The following CNTNAP4 variants were observed in gnomAD, a reference collection of about 807,000 sequenced individuals.
CNTNAP4 encodes the protein contactin associated protein family member 4, also known as contactin-associated protein-like 4.
Under a neutral mutation model 148.4 loss-of-function variants are expected in CNTNAP4, and 98 were observed. That is an observed-to-expected ratio of 0.66 (90% CI 0.56 to 0.78). The LOEUF (loss-of-function observed/expected upper bound fraction) is 0.78. CNTNAP4 is among the 30% of genes least tolerant of loss of function. CNTNAP4 has a pLI of 0.00. For missense variants in CNTNAP4, 1,935 were observed against 1,565.6 expected (o/e 1.24, Z -3.98); for synonymous variants, 730 against 565.1 (o/e 1.29, Z -4.14).
At chr16:76,434,465 C>G (rs965616733) in intron 4 of CNTNAP4, among the ~76,000 whole-genome samples, 2 of 152,158 alleles carry the variant, frequency 1.3e-5, no homozygotes, top group Admixed American at 6.5e-5. Context: ...GAAACCACAT[C>G]TAGTACAACA....
At chr16:76,523,775 TA>T (rs938934579) in intron 17 of CNTNAP4, among the ~76,000 whole-genome samples, 1 of 151,872 alleles carries the variant, frequency 6.6e-6, no homozygotes, top group African/African-American at 2.4e-5. Context: ...AGTAAAAAAT[TA>T]AAAAAATTAG....
chr16:76,448,153 C>G lies in CNTNAP4; in HGVS notation c.680C>G (p.Pro227Arg), dbSNP rs953524982. Residue 227 changes from proline (P) to arginine (R), a missense_variant, in exon 5 of 24, where the codon CCA becomes CGA. Physicochemically the swap from Pro to Arg is moderately radical, Grantham distance 103. Coordinates refer to ENST00000611870, the MANE Select transcript of CNTNAP4 (RefSeq NM_033401.5). ...GGGATTCTACTCCACAGGGAAGGGC[C>G]AAATGGAGATCACATCACACTGCAA... ...SDGILLHREG[P>R]NGDHITLQLR... 4 of 1,613,454 alleles carry G rather than the reference C, an allele frequency of 2.5e-6. No homozygotes were observed. The African/African-American group carries it at 4.0e-5, about 16-fold the overall frequency.
rs147672998 is a variant in CNTNAP4 at position 76,482,637 on chromosome 16, C to T, written c.1882+3099C>T. ...ATCTTCAAAGGTTTTTCATTTAACA[C>T]AACTTGGTAGCTTCTATCTGTCTCA... On this transcript the variant is annotated intron_variant, in intron 12 of 23. Transcript: ENST00000611870. Among the ~76,000 whole-genome samples, 451 of 152,246 alleles carry T rather than the reference C, an allele frequency of 3.0e-3. 2 individuals carry two copies. The highest frequency in any genetic ancestry group is 4.0e-3 in the Non-Finnish European group (272 of 68,018).
chr16:76,330,120 T>G (rs1963375792), intron 2 of CNTNAP4, among the ~76,000 whole-genome samples: 1 of 152,206 alleles, frequency 6.6e-6, no homozygotes, highest in South Asian at 2.1e-4. Context: ...CTTTATCAAC[T>G]TAAGTTAAAT....
chr16:76,501,188 T>A (rs2082626629), intron 15 of CNTNAP4, among the ~76,000 whole-genome samples: 1 of 152,244 alleles, frequency 6.6e-6, no homozygotes, highest in African/African-American at 2.4e-5. Context: ...ATGAAGATGA[T>A]ATAGGATATT....
intron 4 of CNTNAP4, among the ~76,000 whole-genome samples, chr16:76,447,540 C>T (rs2080294744): frequency 6.6e-6 from 1 of 152,094 alleles, no homozygotes. Context: ...ACAGACAGTC[C>T]CTGACTTACA....
intron 15 of CNTNAP4, among the ~76,000 whole-genome samples, chr16:76,515,953 C>A (rs1407344144): frequency 6.6e-6 from 1 of 152,126 alleles, no homozygotes; most frequent in African/African-American, 2.4e-5. Context: ...ACTTTAAGTT[C>A]TGGGATACAT....
intron 10 of CNTNAP4, among the ~76,000 whole-genome samples, chr16:76,470,490 T>TAG (rs1185621470): frequency 8.5e-6 from 1 of 117,494 alleles, no homozygotes; most frequent in Non-Finnish European, 1.8e-5. Flanking sequence ...ATAATATATA[T>TAG]ATATATAAAA....
intron 4 of CNTNAP4, among the ~76,000 whole-genome samples, chr16:76,434,465 C>T (rs965616733): frequency 1.3e-5 from 2 of 152,158 alleles, no homozygotes; most frequent in Non-Finnish European, 2.9e-5. Flanking sequence ...GAAACCACAT[C>T]TAGTACAACA....
At chr16:76,406,341 G>C (rs1024262431) in intron 3 of CNTNAP4, among the ~76,000 whole-genome samples, 1 of 152,016 alleles carries the variant, frequency 6.6e-6, no homozygotes, top group Admixed American at 6.6e-5. Context: ...CCAACTGGCT[G>C]TTCCCGCATC....
chr16:76,445,880 T>C (rs1480060470), intron 4 of CNTNAP4, among the ~76,000 whole-genome samples: 1 of 152,188 alleles, frequency 6.6e-6, no homozygotes, highest in East Asian at 1.9e-4. Context: ...AAAGTCTGTC[T>C]TACTGGAATT....
chr16:76,367,989 T>G (rs982703921), intron 3 of CNTNAP4, among the ~76,000 whole-genome samples: 10 of 152,196 alleles, frequency 6.6e-5, no homozygotes, highest in African/African-American at 2.4e-4. Context: ...GGAGACTGTC[T>G]AGAGGTGGGA....
At chr16:76,355,022 T>G (rs16944289) in intron 2 of CNTNAP4, among the ~76,000 whole-genome samples, 2,419 of 152,296 alleles carry the variant, frequency 0.016, 82 homozygotes, top group African/African-American at 0.055. Flanking sequence ...AAGTTCCCAG[T>G]GTTGGCAGGA....
intron 1 of CNTNAP4, among the ~76,000 whole-genome samples, chr16:76,284,248 G>T (rs1567573939): frequency 6.6e-6 from 1 of 151,890 alleles, no homozygotes; most frequent in East Asian, 1.9e-4. Flanking sequence ...GGTGGTGGTG[G>T]CATGCAAATT....
chr16:76,393,066 G>C (rs991866350), intron 3 of CNTNAP4, among the ~76,000 whole-genome samples: 1 of 152,198 alleles, frequency 6.6e-6, no homozygotes, highest in African/African-American at 2.4e-5. Context: ...CATTGAGCTA[G>C]TCTTTCCTCT....
At chr16:76,328,851 G>A (rs983492769) in intron 2 of CNTNAP4, among the ~76,000 whole-genome samples, 2 of 152,052 alleles carry the variant, frequency 1.3e-5, no homozygotes, top group African/African-American at 4.8e-5. Context: ...CTCCATTTTG[G>A]TCAGGCTGGT....
intron 3 of CNTNAP4, among the ~76,000 whole-genome samples, chr16:76,369,868 A>G (rs7188026): frequency 0.023 from 3,549 of 152,186 alleles, 130 homozygotes; most frequent in African/African-American, 0.081. Flanking sequence ...GGAGAGAGAG[A>G]GAGAGAGGAT....
intron 14 of CNTNAP4, among the ~76,000 whole-genome samples, chr16:76,496,445 T>C (rs1412815632): frequency 1.3e-5 from 2 of 152,140 alleles, no homozygotes; most frequent in African/African-American, 2.4e-5. Flanking sequence ...GTAACTTGCA[T>C]AGAGCTAACC....
intron 9 of CNTNAP4, among the ~76,000 whole-genome samples, chr16:76,464,991 A>T (rs1269348082): frequency 1.3e-5 from 2 of 152,186 alleles, no homozygotes; most frequent in African/African-American, 4.8e-5. Context: ...CTAACACAAC[A>T]TGCAGCACAA....
Sources: allele counts gnomAD v4.1 joint callset (sites outside exome capture counted in the v4.1 genomes callset), GRCh38; gene constraint gnomAD v4.1.1; transcripts MANE v1.5; gene names NCBI Gene and HGNC (gene_info 2026-07-23, HGNC 2026-07-21).